The following LDB3 variants were observed in gnomAD, a reference collection of about 807,000 sequenced individuals.
The protein encoded by LDB3 is LIM domain-binding protein 3.
LDB3 carries 49 observed loss-of-function variants against 69.0 expected under a neutral mutation model. That is an observed-to-expected ratio of 0.71 (90% confidence interval 0.56 to 0.90). The LOEUF (loss-of-function observed/expected upper bound fraction) is 0.90. Among genes scored for constraint, LDB3 ranks in the 40% least tolerant of loss-of-function variants. The pLI is 0.00. For synonymous variants in LDB3, 387 were observed against 396.2 expected (o/e 0.98, Z 0.28); for missense variants, 928 against 974.1 (o/e 0.95, Z 0.63).
At position 86,732,009 on chromosome 10, in the gene LDB3, C is replaced by CT. The variant is rs1323088769; in HGVS notation, c.2095-863dup. 2.5e-3 allele frequency among the ~76,000 whole-genome samples: 232 copies of CT among 91,044 alleles called. 2 individuals are homozygous for CT. In the Middle Eastern group the frequency reaches 0.034, roughly 13 times the overall value. 59.7% of individuals were successfully genotyped at this position (91,044 alleles called of 152,430 possible). On this transcript the variant is annotated intron_variant, in intron 13 of 13. Coordinates refer to ENST00000361373, the MANE Select transcript of LDB3 (RefSeq NM_007078.3). ...AATTTTCTTTTCTTTCTTTCTTTTT[C>CT]TTTTTTTTTTTTTTTGGTAGAGACA...
intron 13 of LDB3, among the ~76,000 whole-genome samples, chr10:86,727,499 C>T (rs1303947884): frequency 6.6e-6 from 1 of 152,166 alleles, no homozygotes; most frequent in Non-Finnish European, 1.5e-5. Context: ...TTCCACACTT[C>T]GCTTCCATAC....
chr10:86,709,582 C>T (rs1381540743), intron 8 of LDB3, among the ~76,000 whole-genome samples: 1 of 152,156 alleles, frequency 6.6e-6, no homozygotes, highest in Non-Finnish European at 1.5e-5. Context: ...CCAGCGCCAT[C>T]TCTCTCCTCT....
Position 86,733,040 on chromosome 10 carries a change from C to A in LDB3, c.*64C>A, listed in dbSNP as rs756364513. On this transcript the variant is annotated 3_prime_UTR_variant, in exon 14 of 14. Coordinates refer to ENST00000361373, the MANE Select transcript of LDB3 (RefSeq NM_007078.3). The stretch of plus-strand genomic sequence containing the variant: ...CTCCTGCTGCTGGCAACAAAGGATT[C>A]GGGAGGCTGATGTTTCTTCTGAGGG... The A allele has an allele frequency of 8.8e-7, 1 of 1,138,262 alleles. No homozygotes were observed. The highest frequency in any genetic ancestry group is 1.3e-6 in the Non-Finnish European group (1 of 762,234). 70.5% of individuals were successfully genotyped at this position (1,138,262 alleles called of 1,614,324 possible).
chr10:86,695,710 C>A (rs968407960), intron 7 of LDB3, among the ~76,000 whole-genome samples: 1 of 152,168 alleles, frequency 6.6e-6, no homozygotes, highest in Non-Finnish European at 1.5e-5. Context: ...TCAGAGTCAT[C>A]GCCACAGCTT....
intron 9 of LDB3, among the ~76,000 whole-genome samples, chr10:86,713,513 G>C (rs1846749150): frequency 6.6e-6 from 1 of 152,138 alleles, no homozygotes; most frequent in Non-Finnish European, 1.5e-5. Context: ...CCAAAGTGCT[G>C]GGATTACAGG....
At chr10:86,727,385 T>C (rs1438879081) in intron 13 of LDB3, among the ~76,000 whole-genome samples, 1 of 152,182 alleles carries the variant, frequency 6.6e-6, no homozygotes, top group Admixed American at 6.5e-5. Context: ...AAGGTAAATT[T>C]TGGAAATGTA....
intron 5 of LDB3, 75 bp downstream of exon 5, chr10:86,681,878 C>G: frequency 6.9e-7 from 1 of 1,452,450 alleles, no homozygotes. Context: ...GAGACCTGGT[C>G]AGGTGGTCAG....
intron 2 of LDB3, among the ~76,000 whole-genome samples, chr10:86,671,520 T>C (rs1844473240): frequency 6.6e-6 from 1 of 151,906 alleles, no homozygotes; most frequent in Admixed American, 6.6e-5. Context: ...GGGAAATGCC[T>C]TTATTTATCC....
chr10:86,712,315 G>A (rs1170702937), intron 9 of LDB3, among the ~76,000 whole-genome samples: 1 of 152,246 alleles, frequency 6.6e-6, no homozygotes, highest in Non-Finnish European at 1.5e-5. Flanking sequence ...GAGTCTGTAA[G>A]GCCTTCCGAT....
chr10:86,718,944 C>A, intron 12 of LDB3, 97 bp downstream of exon 12: 1 of 1,486,318 alleles, frequency 6.7e-7, no homozygotes, highest in Non-Finnish European at 9.2e-7. Flanking sequence ...TCACATCCGA[C>A]CACCCAGAGG....
chr10:86,668,456 A>G, upstream of LDB3: 1 of 610,770 alleles, frequency 1.6e-6, no homozygotes, highest in South Asian at 1.8e-5. Context: ...GTTACAGTCC[A>G]TTTATGGGCG....
rs1380193786 is a variant in LDB3, at chr10:86,716,634, C to G, written c.1539C>G (p.Thr513=). ...GCACCACCTCCATCAGCAAGCAGAC[C>G]CTGCCCCGGGGAGGCCCAGCCTACA... ...GKSTTSISKQ[T]LPRGGPAYTP... The change falls in exon 10 of 14, where the codon ACC becomes ACG. Residue 513 remains threonine (T), a synonymous_variant. Coordinates refer to ENST00000361373, the MANE Select transcript of LDB3 (RefSeq NM_007078.3). The G allele has an allele frequency of 6.2e-7, 1 of 1,613,964 alleles. No individual in the cohort carries two copies. Among genetic ancestry groups the G allele is most frequent in the Non-Finnish European group, 8.5e-7 (1 of 1,179,968 alleles).
intron 7 of LDB3, 43 bp downstream of exon 7, chr10:86,692,614 C>G (rs1234451806): frequency 5.1e-6 from 8 of 1,577,540 alleles, no homozygotes; most frequent in Non-Finnish European, 7.0e-6. Flanking sequence ...CCCTCTAGCC[C>G]CGTCCCTCCC....
At chr10:86,712,301 C>A (rs1335690601) in intron 9 of LDB3, among the ~76,000 whole-genome samples, 1 of 152,184 alleles carries the variant, frequency 6.6e-6, no homozygotes, top group African/African-American at 2.4e-5. Flanking sequence ...GGAGGTGGAT[C>A]CGGGAGTCTG....
Position 86,668,770 on chromosome 10 carries a change from C to G in LDB3, c.79C>G (p.Leu27Val). The G allele has an allele frequency of 6.2e-7, 1 of 1,613,082 alleles. No homozygotes were observed. Among genetic ancestry groups the G allele is most frequent in the East Asian group, 2.2e-5 (1 of 44,866 alleles). ...LQGGKDFNMP[L>V]TISRITPGSK... ...GGGGGGCAAGGACTTCAACATGCCC[C>G]TCACTATCTCCCGGGTGAGTGCACC... The change falls in exon 2 of 14, where the codon CTC (leucine) becomes GTC (valine). Residue 27 changes from leucine to valine, a missense_variant. Leu to Val is a conservative substitution (Grantham distance 32, BLOSUM62 1). Coordinates refer to ENST00000361373, the MANE Select transcript of LDB3 (RefSeq NM_007078.3).
intron 2 of LDB3, among the ~76,000 whole-genome samples, chr10:86,674,546 C>T (rs1323356400): frequency 1.3e-5 from 2 of 152,162 alleles, no homozygotes; most frequent in African/African-American, 2.4e-5. Flanking sequence ...GACAGGAGCT[C>T]GGTGCCCCAC....
chr10:86,692,566 G>A lies in LDB3; in HGVS notation c.891G>A (p.Arg297=), dbSNP rs374336814. The A allele has an allele frequency of 9.2e-5, 149 of 1,614,060 alleles. No individual in the cohort carries two copies. The highest frequency in any genetic ancestry group is 1.2e-4 in the Non-Finnish European group (136 of 1,180,014). The change falls in exon 7 of 14, where the codon AGG becomes AGA. Residue 297 remains arginine, a synonymous_variant. Transcript: ENST00000361373. ...ACCCTGATGAAGAAGCTCTGCGAAG[G>A]TCAAGGTAAGTGCCTGGACTCAGGC... The part of the protein sequence containing the change: ...MQDPDEEALR[R]SSTPIEHAPV...
intron 13 of LDB3, chr10:86,726,589 C>T (rs1847266957): frequency 1.0e-5 from 4 of 393,774 alleles, no homozygotes; most frequent in South Asian, 8.7e-5. Context: ...GGGCAGTTGG[C>T]TTCCCATGGT....
intron 2 of LDB3, among the ~76,000 whole-genome samples, chr10:86,673,154 G>A (rs1256507557): frequency 1.3e-5 from 2 of 152,266 alleles, no homozygotes; most frequent in African/African-American, 4.8e-5. Context: ...GCCCTTGAGA[G>A]CCAGTGCCCA....
Sources: allele counts gnomAD v4.1 joint callset (sites outside exome capture counted in the v4.1 genomes callset), GRCh38; gene constraint gnomAD v4.1.1; transcripts MANE v1.5; gene names NCBI Gene and HGNC (gene_info 2026-07-23, HGNC 2026-07-21).